TRPV4: variants seen among roughly 807,000 people sequenced by gnomAD.
TRPV4 encodes the protein OSM9-like transient receptor potential channel 4.
Under a neutral mutation model 84.1 loss-of-function variants are expected in TRPV4, and 58 were observed. That is an observed-to-expected ratio of 0.69 (90% CI 0.56 to 0.86). The LOEUF is 0.86. TRPV4 is among the 40% of genes least tolerant of loss of function. The probability of loss-of-function intolerance (pLI) is 0.00; values close to 1 mark genes in which losing one functional copy is unlikely to be tolerated. For missense variants in TRPV4, 879 were observed against 1,181.1 expected (o/e 0.74, Z 3.75); for synonymous variants, 489 against 500.9 (o/e 0.98, Z 0.32).
In TRPV4 at chr12:109,794,011, AG is replaced by A; in HGVS notation, c.1502del (p.Pro501LeufsTer34). The A allele has an allele frequency of 6.2e-7, 1 of 1,607,012 alleles. No homozygotes were observed. On this transcript the variant is annotated frameshift_variant, in exon 9 of 16. Transcript: ENST00000261740. LOFTEE classifies it high-confidence loss of function. Reference protein sequence around the residue: ...YQPLEGTPPYPYRTTVDYLRL... With the variant: ...YQPLEGTPPYXYRTTVDYLRL... ...GCAGGTAGTCCACCGTGGTGCGGTA[AG>A]GGTACGGCGGCTGGGGAGCAGCAAG...
chr12:109,823,640 C>T (rs1037918690), intron 1 of TRPV4, among the ~76,000 whole-genome samples: 1 of 152,128 alleles, frequency 6.6e-6, no homozygotes, highest in Non-Finnish European at 1.5e-5. Context: ...TTAGTTGTTG[C>T]CAGGGGCTGG....
chr12:109,798,039 G>T lies in TRPV4; in HGVS notation c.1152+575C>A, dbSNP rs1189222971. ...CTCCAGACTTGGTTCCCAATCCAGC[G>T]ATGGTGCCCCCCAGAGGACAATTCA... On this transcript the variant is annotated intron_variant, in intron 6 of 15. Transcript: ENST00000261740. This position sits in a 1 kb window ranked among gnomAD's most constrained non-coding sequence, Gnocchi z 5.0. Among the ~76,000 whole-genome samples, 1 of 152,216 alleles carries T rather than the reference G, an allele frequency of 6.6e-6. No homozygotes were observed. Among genetic ancestry groups the T allele is most frequent in the Non-Finnish European group, 1.5e-5 (1 of 68,046 alleles).
chr12:109,819,249 G>A (rs1021139738), intron 1 of TRPV4, among the ~76,000 whole-genome samples: 13 of 152,200 alleles, frequency 8.5e-5, no homozygotes, highest in African/African-American at 2.4e-4. Flanking sequence ...GAGGGAAGTC[G>A]GGGATGCAGG....
chr12:109,795,033 G>T (rs1444036406), intron 7 of TRPV4, among the ~76,000 whole-genome samples: 1 of 152,082 alleles, frequency 6.6e-6, no homozygotes, highest in Non-Finnish European at 1.5e-5. Context: ...AAGAAAAAAA[G>T]ACATTTATTC....
chr12:109,789,660 T>G (rs1162543202), intron 12 of TRPV4, among the ~76,000 whole-genome samples: 1 of 152,192 alleles, frequency 6.6e-6, no homozygotes, highest in African/African-American at 2.4e-5. Flanking sequence ...GAGGGGAGCA[T>G]GAAGAAGACT....
intron 2 of TRPV4, among the ~76,000 whole-genome samples, chr12:109,811,657 C>CAA (rs753185768): frequency 9.2e-6 from 1 of 108,778 alleles, no homozygotes; most frequent in Non-Finnish European, 1.9e-5. Context: ...GAACCTGTCT[C>CAA]AAAAAAAAAA....
chr12:109,805,736 C>G (rs1433497855), intron 3 of TRPV4, among the ~76,000 whole-genome samples: 1 of 152,168 alleles, frequency 6.6e-6, no homozygotes, highest in Non-Finnish European at 1.5e-5. Flanking sequence ...CACAGTAAGT[C>G]TCCCTCTATG....
At chr12:109,791,720 G>A (rs1488111523) in intron 12 of TRPV4, among the ~76,000 whole-genome samples, 7 of 151,628 alleles carry the variant, frequency 4.6e-5, no homozygotes, top group Admixed American at 3.9e-4. Flanking sequence ...CTGACCTCAA[G>A]TGATCTACCC....
At chr12:109,812,706 G>T (rs531900359) in intron 2 of TRPV4, among the ~76,000 whole-genome samples, 1 of 152,196 alleles carries the variant, frequency 6.6e-6, no homozygotes, top group Non-Finnish European at 1.5e-5. Flanking sequence ...TGGAATGAAT[G>T]AATGAATAAA....
At chr12:109,788,953 C>A (rs1017715339) in intron 12 of TRPV4, among the ~76,000 whole-genome samples, 1 of 152,162 alleles carries the variant, frequency 6.6e-6, no homozygotes, top group African/African-American at 2.4e-5. Context: ...GAGGTTATCT[C>A]TCTCTCTCTC....
rs1028271373 is a variant in TRPV4, at chr12:109,796,561, G to A, written c.1296C>T (p.Ser432=). 2.0e-5 allele frequency: 32 copies of A among 1,614,110 alleles called. No homozygotes were observed. Among genetic ancestry groups the A allele is most frequent in the Non-Finnish European group, 2.6e-5 (31 of 1,180,024 alleles). The change falls in exon 7 of 16, where the codon TCC becomes TCT. Residue 432 remains serine (S), a synonymous_variant. Transcript: ENST00000261740. The surrounding 1 kb of genome is among the most constrained non-coding windows in gnomAD (Gnocchi z 4.2). ...SSLDTCGEEA[S]VLEILVYNSK... ...TGTTGTACACCAGGATCTCCAGCAC[G>A]GAGGCCTCTTCCCCACACGTGTCCA...
chr12:109,825,962 G>A (rs1236937936), intron 1 of TRPV4, among the ~76,000 whole-genome samples: 3 of 152,170 alleles, frequency 2.0e-5, no homozygotes, highest in Non-Finnish European at 4.4e-5. Flanking sequence ...TGAGGCTAAT[G>A]CCTGCAATGT....
intron 1 of TRPV4, among the ~76,000 whole-genome samples, chr12:109,831,711 C>T (rs77877120): frequency 6.6e-6 from 1 of 152,152 alleles, no homozygotes; most frequent in African/African-American, 2.4e-5. Context: ...CCATCCTCAC[C>T]GGAGCTCATG....
intron 3 of TRPV4, among the ~76,000 whole-genome samples, chr12:109,804,761 G>A (rs1184067817): frequency 6.6e-6 from 1 of 152,154 alleles, no homozygotes; most frequent in Non-Finnish European, 1.5e-5. Context: ...ATGTGGCCCA[G>A]CCACCATCCC....
At position 109,795,737 on chromosome 12, in the gene TRPV4, T is replaced by TTTG. The variant is rs1565868003; in HGVS notation, c.1332+787_1332+788insCAA. On this transcript the variant is annotated intron_variant, in intron 7 of 15. Transcript: ENST00000261740. ...TAAGTAGGGAAAAAAAAGCTTGGTT[T>TTTG]TTTGTTTGTTTGTTTGTTTGTTTAT... Among the ~76,000 whole-genome samples, 6 of 151,892 alleles carry TTTG rather than the reference T, an allele frequency of 4.0e-5. No homozygotes were observed. In the South Asian group the frequency reaches 6.2e-4, roughly 16 times the overall value.
At chr12:109,823,580 A>G (rs933552390) in intron 1 of TRPV4, among the ~76,000 whole-genome samples, 1 of 152,198 alleles carries the variant, frequency 6.6e-6, no homozygotes, top group Non-Finnish European at 1.5e-5. Context: ...GCAGGATTCC[A>G]TTTATATGAA....
At chr12:109,824,446 G>A (rs1254196674) in intron 1 of TRPV4, among the ~76,000 whole-genome samples, 5 of 152,040 alleles carry the variant, frequency 3.3e-5, no homozygotes, top group Non-Finnish European at 4.4e-5. Context: ...TCCAGCCCAG[G>A]AGGAGGGAGG....
intron 1 of TRPV4, among the ~76,000 whole-genome samples, chr12:109,825,366 A>G (rs1892224027): frequency 6.6e-6 from 1 of 152,140 alleles, no homozygotes. Flanking sequence ...TGTATACCAA[A>G]TAACTATGGA....
chr12:109,792,280 T>C, intron 12 of TRPV4, 83 bp downstream of exon 12: 1 of 906,690 alleles, frequency 1.1e-6, no homozygotes, highest in Non-Finnish European at 1.8e-6. Flanking sequence ...TCAGCAAGGC[T>C]GCTATTGTCC....
Sources: allele counts gnomAD v4.1 joint callset (sites outside exome capture counted in the v4.1 genomes callset), GRCh38; gene constraint gnomAD v4.1.1; non-coding constraint Gnocchi (gnomAD v3.1); transcripts MANE v1.5; gene names NCBI Gene and HGNC (gene_info 2026-07-23, HGNC 2026-07-21).